TOM1L2: variants seen among roughly 807,000 people sequenced by gnomAD.
TOM1L2 encodes TOM1-like protein 2.
Under a neutral mutation model 67.9 loss-of-function variants are expected in TOM1L2, and 31 were observed. The observed-to-expected ratio is 0.46, with a 90% CI of 0.34 to 0.62. The LOEUF is 0.62. Among genes scored for constraint, TOM1L2 ranks in the 20% least tolerant of loss-of-function variants. The pLI is 0.01. For missense variants in TOM1L2, 606 were observed against 663.5 expected, an observed-to-expected ratio of 0.91 and a Z score of 0.95; for synonymous variants, 256 against 254.0, an observed-to-expected ratio of 1.01 and a Z score of -0.07.
chr17:17,964,026 C>T (rs1470883099), intron 1 of TOM1L2, among the ~76,000 whole-genome samples: 1 of 152,122 alleles, frequency 6.6e-6, no homozygotes, highest in Non-Finnish European at 1.5e-5. Flanking sequence ...GATTCATCAC[C>T]ATAAACAGGG....
At chr17:17,890,835 G>A (rs2038235707) in intron 4 of TOM1L2, among the ~76,000 whole-genome samples, 1 of 152,072 alleles carries the variant, frequency 6.6e-6, no homozygotes, top group African/African-American at 2.4e-5. Flanking sequence ...GTGATTTCCT[G>A]TATATATATT....
At chr17:17,901,881 AAC>A (rs1292229129) in intron 2 of TOM1L2, among the ~76,000 whole-genome samples, 1 of 152,182 alleles carries the variant, frequency 6.6e-6, no homozygotes, top group Non-Finnish European at 1.5e-5. Context: ...AGGCCTGGAA[AAC>A]AGAGTCTAAA....
intron 1 of TOM1L2, among the ~76,000 whole-genome samples, chr17:17,943,364 T>G (rs540210164): frequency 6.6e-6 from 1 of 152,158 alleles, no homozygotes; most frequent in Admixed American, 6.5e-5. Context: ...GCAGTCTCTA[T>G]AGGGGTCAGA....
intron 12 of TOM1L2, among the ~76,000 whole-genome samples, chr17:17,851,956 CATG>C (rs937427998): frequency 5.9e-5 from 9 of 152,208 alleles, no homozygotes; most frequent in Admixed American, 6.5e-5. Context: ...TCAAATATGA[CATG>C]ATAAGAAGCT....
At chr17:17,901,518 C>T (rs1237010674) in intron 2 of TOM1L2, among the ~76,000 whole-genome samples, 1 of 152,230 alleles carries the variant, frequency 6.6e-6, no homozygotes, top group African/African-American at 2.4e-5. Context: ...AAACAAGCCT[C>T]CTGTCATCCC....
In TOM1L2 at chr17:17,847,467, G is replaced by A. The variant is rs564829065; in HGVS notation, c.*168C>T. The A allele has an allele frequency of 4.5e-5, 38 of 847,998 alleles. No homozygotes were observed. The highest frequency in any genetic ancestry group is 6.4e-5 in the Non-Finnish European group (36 of 565,238). 52.5% of individuals were successfully genotyped at this position (847,998 alleles called of 1,614,324 possible). A position where few individuals can be genotyped will look rare whatever the true frequency, so the allele number is the denominator to read the frequency against. On this transcript the variant is annotated 3_prime_UTR_variant, in exon 15 of 15. Transcript: ENST00000379504. ...CACCACTCAGAGAAAAGAAGTGGCT[G>A]AAGCTGGTCCTGACTAGTGGGAGGC...
chr17:17,846,896 A>G lies in TOM1L2; in HGVS notation c.*739T>C, dbSNP rs572868291. 2.0e-5 allele frequency: 3 copies of G among 152,554 alleles called. No homozygotes were observed. Among genetic ancestry groups the G allele is most frequent in the South Asian group, 2.1e-4 (1 of 4,834 alleles). The allele number at this position is 152,554 out of a possible 1,614,324, so 9.5% of individuals were successfully genotyped here. On this transcript the variant is annotated 3_prime_UTR_variant, in exon 15 of 15. Coordinates refer to ENST00000379504, the MANE Select transcript of TOM1L2 (RefSeq NM_001082968.2). Reference sequence around the variant, plus strand: ...TAGTGTCGTCTCAGCAGCGTGCCACATGGCCACCATCTGCGGGCTGCCTGC... The same window carrying G: ...TAGTGTCGTCTCAGCAGCGTGCCACGTGGCCACCATCTGCGGGCTGCCTGC...
At chr17:17,866,021 C>T (rs1184796768) in intron 10 of TOM1L2, among the ~76,000 whole-genome samples, 2 of 152,064 alleles carry the variant, frequency 1.3e-5, no homozygotes, top group Non-Finnish European at 2.9e-5. Context: ...GGATTACGGG[C>T]GTGAGCCACT....
At chr17:17,851,080 A>C in intron 12 of TOM1L2, 128 bp from the exon 13 acceptor site, 1 of 1,021,636 alleles carries the variant, frequency 9.8e-7, no homozygotes, top group Non-Finnish European at 1.5e-6. Context: ...GAGCAAAAAA[A>C]CACAATTGGC....
In TOM1L2 at chr17:17,869,473, C is replaced by A; in HGVS notation, c.778G>T (p.Glu260Ter). 6.2e-7 allele frequency: 1 copy of A among 1,602,340 alleles called. No homozygotes were observed. Among genetic ancestry groups the A allele is most frequent in the Non-Finnish European group, 8.5e-7 (1 of 1,173,598 alleles). Reference sequence around the variant, plus strand: ...ATGGCCCGACAGGTCCTGTTGAGCTCCTAGGGAACACATGCACCTCTGGGT... The same window carrying A: ...ATGGCCCGACAGGTCCTGTTGAGCTACTAGGGAACACATGCACCTCTGGGT... ...EDSSDLELLQELNRTCRAMQQ... is the reference protein window; with the variant it reads ...EDSSDLELLQ Residue 260 changes from glutamate (E) to a stop codon, truncating the protein, a stop_gained and splice_region_variant, in exon 8 of 15, where the codon GAG becomes TAG. Coordinates refer to ENST00000379504, the MANE Select transcript of TOM1L2 (RefSeq NM_001082968.2). LOFTEE classifies it high-confidence loss of function.
chr17:17,964,556 A>G (rs748892599), intron 1 of TOM1L2, among the ~76,000 whole-genome samples: 2 of 152,172 alleles, frequency 1.3e-5, no homozygotes, highest in African/African-American at 4.8e-5. Context: ...CATTTTTTCT[A>G]TATCTTTCAT....
chr17:17,872,484 C>T (rs1400521225), intron 7 of TOM1L2, among the ~76,000 whole-genome samples: 1 of 152,178 alleles, frequency 6.6e-6, no homozygotes, highest in African/African-American at 2.4e-5. Context: ...TAGATTTACC[C>T]CATACTTTGG....
At chr17:17,857,973 T>C in intron 12 of TOM1L2, 1 of 899,158 alleles carries the variant, frequency 1.1e-6, no homozygotes, top group Non-Finnish European at 1.7e-6. Flanking sequence ...TGTGATGCCC[T>C]GCTCCCAACC....
chr17:17,962,217 T>TA (rs1176711434), intron 1 of TOM1L2, among the ~76,000 whole-genome samples: 1 of 130,066 alleles, frequency 7.7e-6, no homozygotes, highest in African/African-American at 3.0e-5. Context: ...AGTGACAAAG[T>TA]AAAATGGTAG....
intron 1 of TOM1L2, among the ~76,000 whole-genome samples, chr17:17,969,035 G>A (rs1197894954): frequency 1.3e-5 from 2 of 151,072 alleles, no homozygotes; most frequent in Admixed American, 6.6e-5. Flanking sequence ...TGAGGACAGG[G>A]ATCAGAGAGG....
intron 12 of TOM1L2, among the ~76,000 whole-genome samples, chr17:17,853,021 G>T (rs533560438): frequency 3.5e-4 from 53 of 152,170 alleles, no homozygotes; most frequent in Admixed American, 1.7e-3. Context: ...AATGCCTAAG[G>T]CTGGCACTTC....
intron 8 of TOM1L2, among the ~76,000 whole-genome samples, chr17:17,867,455 G>A (rs1001778188): frequency 2.0e-5 from 3 of 152,134 alleles, no homozygotes; most frequent in Admixed American, 6.5e-5. Flanking sequence ...GCCAGTCATC[G>A]AAGGACTGCT....
At chr17:17,886,047 C>T (rs1215182857) in intron 4 of TOM1L2, among the ~76,000 whole-genome samples, 1 of 152,030 alleles carries the variant, frequency 6.6e-6, no homozygotes, top group East Asian at 1.9e-4. Flanking sequence ...ACCATACATA[C>T]CCAAAGGAGG....
intron 12 of TOM1L2, among the ~76,000 whole-genome samples, chr17:17,854,588 G>C (rs537508118): frequency 5.1e-4 from 77 of 152,080 alleles, no homozygotes; most frequent in Non-Finnish European, 7.9e-4. Context: ...GCAGTGGTGC[G>C]ATCTCAGCTC....
Sources: gnomAD v4.1 joint callset for allele counts (sites outside exome capture counted in the v4.1 genomes callset) on GRCh38, gnomAD v4.1.1 for gene constraint, MANE v1.5 for transcripts, NCBI Gene and HGNC (gene_info 2026-07-23, HGNC 2026-07-21) for gene names.